The following DST variants were observed in gnomAD, a reference collection of about 807,000 sequenced individuals.
DST encodes bullous pemphigoid antigen.
In DST, 253 loss-of-function variants were observed where a neutral mutation model predicts 875.2. That is an observed-to-expected ratio of 0.29 (90% CI 0.26 to 0.32). DST has a LOEUF of 0.32. Ranked by LOEUF, DST falls within the 10% of genes least tolerant of loss-of-function variation. The pLI is 1.00. For missense variants in DST, 8,287 were observed against 9,111.6 expected (o/e 0.91, Z 3.68); for synonymous variants, 3,124 against 3,197.1 (o/e 0.98, Z 0.77).
chr6:56,476,213 T>G lies in DST; in HGVS notation c.21800A>C (p.Asp7267Ala). The change falls in exon 92 of 104, where the codon GAT becomes GCT. Residue 7267 changes from aspartate to alanine, a missense_variant. This residue lies in a region of DST where 1,292 missense variants were observed against 1,552.7 expected (regional missense o/e 0.83). Transcript: ENST00000680361. ...WLQWAETTLTDKDKEVIPQEI... is the reference protein window; with the variant it reads ...WLQWAETTLTAKDKEVIPQEI... ...CTGGGGGATGACTTCTTTATCCTTATCAGTAAGTGTAGTTTCAGCCCATTG... is the reference window on the plus strand; with the variant it reads ...CTGGGGGATGACTTCTTTATCCTTAGCAGTAAGTGTAGTTTCAGCCCATTG... The G allele has an allele frequency of 6.2e-7, 1 of 1,612,968 alleles. No individual in the cohort carries two copies. Among genetic ancestry groups the G allele is most frequent in the Non-Finnish European group, 8.5e-7 (1 of 1,179,440 alleles).
chr6:56,614,425 C>G lies in DST; in HGVS notation c.4989G>C (p.Trp1663Cys). The change falls in exon 37 of 104, where the codon TGG becomes TGC. Residue 1663 changes from tryptophan (W) to cysteine (C), a missense_variant. By Grantham distance (215) the Trp-to-Cys change is radical. Coordinates refer to ENST00000680361, the MANE Select transcript of DST (RefSeq NM_001374736.1). The stretch of plus-strand genomic sequence containing the variant: ...TCAATGTCTTGCTGATATTTGATAC[C>G]CATTTTTGCAATTCTTTGGCTTTTT... Reference protein sequence around the residue: ...HVEKAKELQKWVSNISKTLKD... With the variant: ...HVEKAKELQKCVSNISKTLKD... 4 of 1,610,314 alleles carry G rather than the reference C, an allele frequency of 2.5e-6. No individual in the cohort carries two copies. The highest frequency in any genetic ancestry group is 3.4e-6 in the Non-Finnish European group (4 of 1,178,326).
chr6:56,699,730 T>C lies in DST; in HGVS notation c.970A>G (p.Ile324Val), dbSNP rs1339040128. Reference protein sequence around the residue: ...LKRRQVKLVNIRNDDITDGNP... With the variant: ...LKRRQVKLVNVRNDDITDGNP... ...CCATCTGTTATGTCATCATTTCTAA[T>C]ATTCACTAATTTCACCTGTTTTGAA... The change falls in exon 9 of 104, where the codon ATT (isoleucine) becomes GTT (valine). Residue 324 changes from isoleucine (I) to valine (V), a missense_variant. Transcript: ENST00000680361. 7.4e-6 allele frequency: 11 copies of C among 1,492,168 alleles called. No homozygotes were observed. The highest frequency in any genetic ancestry group is 9.9e-6 in the Non-Finnish European group (11 of 1,113,988). 92.4% of individuals were successfully genotyped at this position (1,492,168 alleles called of 1,614,324 possible).
chr6:56,749,670 T>G (rs2099581924), intron 4 of DST, among the ~76,000 whole-genome samples: 1 of 152,192 alleles, frequency 6.6e-6, no homozygotes, highest in Non-Finnish European at 1.5e-5. Flanking sequence ...AGGCCACATT[T>G]TTTAAGGCAA....
At chr6:56,943,430 CTTTTTTTTTTT>C (rs1408845257) in intron 2 of DST, among the ~76,000 whole-genome samples, 1 of 136,006 alleles carries the variant, frequency 7.4e-6, no homozygotes, top group Non-Finnish European at 1.6e-5. Flanking sequence ...TTTTCTTTTT[CTTTTTTTTTTT>C]TTTGAGATAG....
rs1584100685 is a variant in DST at position 56,527,636 on chromosome 6, G to C, written c.17779C>G (p.Gln5927Glu). 1.2e-6 allele frequency: 2 copies of C among 1,613,826 alleles called. No individual in the cohort carries two copies. The highest frequency in any genetic ancestry group is 2.7e-5 in the African/African-American group (2 of 75,030). ...LSTDVAKTLEQALQLARRLHS... is the reference protein window; with the variant it reads ...LSTDVAKTLEEALQLARRLHS... ...AGCCGCCTTGCAAGCTGCAGCGCCT[G>C]TTCCAGAGTCTTGGCCACATCAGTG... Residue 5927 changes from glutamine to glutamate, a missense_variant, in exon 68 of 104, where the codon CAG (glutamine) becomes GAG (glutamate). Around this residue, in one of 10 missense-constraint regions of DST, gnomAD observed 777 missense variants for 764.8 expected, o/e 1.02. Transcript: ENST00000680361.
At chr6:56,671,749 T>C (rs2099102681) in intron 9 of DST, among the ~76,000 whole-genome samples, 1 of 152,054 alleles carries the variant, frequency 6.6e-6, no homozygotes, top group African/African-American at 2.4e-5. Flanking sequence ...AGCCAAGGGA[T>C]CAACAAGACA....
At chr6:56,674,893 C>G (rs147372268) in intron 9 of DST, among the ~76,000 whole-genome samples, 3 of 152,236 alleles carry the variant, frequency 2.0e-5, no homozygotes, top group East Asian at 3.9e-4. Flanking sequence ...ACACTTCGCA[C>G]AGAAATAGAA....
At chr6:56,476,414 T>C (rs2095190978) in intron 91 of DST, 77 bp from the exon 92 acceptor site, 1 of 1,291,340 alleles carries the variant, frequency 7.7e-7, no homozygotes, top group African/African-American at 1.5e-5. Flanking sequence ...ATAAATAAAT[T>C]TTAAATGAAA....
At chr6:56,941,736 C>A (rs1333243756) in intron 2 of DST, among the ~76,000 whole-genome samples, 1 of 152,210 alleles carries the variant, frequency 6.6e-6, no homozygotes, top group Non-Finnish European at 1.5e-5. Context: ...CTACCTCGGC[C>A]TCCCAAAGTG....
chr6:56,682,026 A>G lies in DST; in HGVS notation c.1048-11219T>C, dbSNP rs77247567. Among the ~76,000 whole-genome samples the G allele has an allele frequency of 6.1e-3, 928 of 152,348 alleles. 10 individuals are homozygous for G. The highest frequency in any genetic ancestry group is 0.022 in the African/African-American group (900 of 41,576). On this transcript the variant is annotated intron_variant, in intron 9 of 103. Coordinates refer to ENST00000680361, the MANE Select transcript of DST (RefSeq NM_001374736.1). ...AAACCTATTTTGGCACTATGTAAAA[A>G]TAACCAAAACCTAGTGTTTGTCCTA... is the stretch of plus-strand genomic sequence containing the variant.
chr6:56,769,330 T>A (rs1438918524), intron 4 of DST, among the ~76,000 whole-genome samples: 1 of 152,198 alleles, frequency 6.6e-6, no homozygotes, highest in Admixed American at 6.5e-5. Flanking sequence ...AGAAACTCTC[T>A]TTAACTGATG....
At chr6:56,631,467 C>T in intron 29 of DST, 78 bp from the exon 30 acceptor site, 1 of 1,118,044 alleles carries the variant, frequency 8.9e-7, no homozygotes, top group East Asian at 2.5e-5. Flanking sequence ...TTGAAAAACA[C>T]ACATTTCACA....
chr6:56,617,242 A>G, intron 36 of DST: 2 of 1,608,240 alleles, frequency 1.2e-6, no homozygotes, highest in Non-Finnish European at 1.7e-6. Context: ...CATGATCACC[A>G]TCAAAGTTCT....
intron 76 of DST, 39 bp from the exon 77 acceptor site, chr6:56,506,583 T>G (rs1456016828): frequency 1.2e-6 from 2 of 1,608,288 alleles, no homozygotes; most frequent in Non-Finnish European, 1.7e-6. Flanking sequence ...GTGCCATATT[T>G]TAAACTTTCA....
At position 56,851,896 on chromosome 6, in the gene DST, A is replaced by C. The variant is rs1478452033; in HGVS notation, c.418-292T>G. On this transcript the variant is annotated intron_variant, in intron 3 of 103. Coordinates refer to ENST00000680361, the MANE Select transcript of DST (RefSeq NM_001374736.1). ...TGGCCTGTGGTCCGGCCACCAGCTC[A>C]CAAATGACTGGCCCAACAATGAAGC... 1.2e-5 allele frequency: 19 copies of C among 1,548,392 alleles called. No homozygotes were observed. In the East Asian group the frequency reaches 4.6e-4, roughly 38 times the overall value.
At chr6:56,560,163 AAT>A in intron 58 of DST, 129 bp downstream of exon 58, 1 of 947,544 alleles carries the variant, frequency 1.1e-6, no homozygotes, top group African/African-American at 1.7e-5. Context: ...TTATGCAAAA[AAT>A]AGATTCTGAA....
In DST at chr6:56,605,103, C is replaced by G. The variant is rs2098482818; in HGVS notation, c.9525G>C (p.Glu3175Asp). The G allele has an allele frequency of 6.2e-7, 1 of 1,612,746 alleles. No individual in the cohort carries two copies. Among genetic ancestry groups the G allele is most frequent in the East Asian group, 2.2e-5 (1 of 44,834 alleles). The change falls in exon 40 of 104, where the codon GAG (glutamate) becomes GAC (aspartate). Residue 3175 changes from glutamate (E) to aspartate (D), a missense_variant. Transcript: ENST00000680361. ...AGTAAGTAAACAGATCAAGCTCTTT[C>G]TCAGGTCCATCAGTGAATGACTCCT... ...HFEESFTDGP[E>D]KELDLFTYLK...
Position 56,604,341 on chromosome 6 carries a change from T to C in DST, c.10287A>G (p.Glu3429=). 9 of 1,612,442 alleles carry C rather than the reference T, an allele frequency of 5.6e-6. No individual in the cohort carries two copies. Among genetic ancestry groups the C allele is most frequent in the Non-Finnish European group, 7.6e-6 (9 of 1,179,094 alleles). ...CAATACAGAAAGGATCATCTCTACT[T>C]TCTGGCTTTAGTTCTGATGAGTTAG... is the stretch of plus-strand genomic sequence containing the variant. The part of the protein sequence containing the change: ...PMTNSSELKP[E]SRDDPFCIGN... The change falls in exon 40 of 104, where the codon GAA becomes GAG. Residue 3429 remains glutamate, a synonymous_variant. Coordinates refer to ENST00000680361, the MANE Select transcript of DST (RefSeq NM_001374736.1).
intron 2 of DST, among the ~76,000 whole-genome samples, chr6:56,912,430 A>G (rs1269650399): frequency 6.6e-6 from 1 of 152,244 alleles, no homozygotes; most frequent in Admixed American, 6.5e-5. Flanking sequence ...TAGAGACCCT[A>G]TTGGATAATA....
Sources: allele counts gnomAD v4.1 joint callset (sites outside exome capture counted in the v4.1 genomes callset), GRCh38; gene constraint gnomAD v4.1.1; regional missense constraint gnomAD v4.1.1; transcripts MANE v1.5; gene names NCBI Gene and HGNC (gene_info 2026-07-23, HGNC 2026-07-21).